Variants in NELL1 observed in about 807,000 individuals in gnomAD.
NELL1 encodes protein kinase C-binding protein NELL1.
NELL1 carries 76 observed loss-of-function variants against 107.4 expected under a neutral mutation model. The observed-to-expected ratio is 0.71, with a 90% CI of 0.59 to 0.86. NELL1 has a LOEUF of 0.86. Ranked by LOEUF, NELL1 falls within the 40% of genes least tolerant of loss-of-function variation. The pLI is 0.00. For synonymous variants in NELL1, 353 were observed against 341.2 expected, an observed-to-expected ratio of 1.03 and a Z score of -0.38; for missense variants, 1,024 against 1,005.5, an observed-to-expected ratio of 1.02 and a Z score of -0.25.
At chr11:21,493,070 T>C (rs991018272) in intron 15 of NELL1, among the ~76,000 whole-genome samples, 2 of 151,976 alleles carry the variant, frequency 1.3e-5, no homozygotes, top group African/African-American at 2.4e-5. Context: ...ATGGCTATTA[T>C]TAAAAAGACA....
At chr11:21,334,858 T>C (rs958529837) in intron 14 of NELL1, among the ~76,000 whole-genome samples, 18 of 151,394 alleles carry the variant, frequency 1.2e-4, no homozygotes, top group African/African-American at 3.4e-4. Flanking sequence ...GAGAAGGAGA[T>C]TGAGAGCAGG....
At position 20,880,987 on chromosome 11, in the gene NELL1, C is replaced by T. The variant is rs1052114893; in HGVS notation, c.507-4457C>T. Reference sequence around the variant, plus strand: ...AAGTGGGGCACAACCTTTCCACTTCCATTCCATAGCCACACTCAACTTCAA... The same window carrying T: ...AAGTGGGGCACAACCTTTCCACTTCTATTCCATAGCCACACTCAACTTCAA... On this transcript the variant is annotated intron_variant, in intron 4 of 19. Coordinates refer to ENST00000357134, the MANE Select transcript of NELL1 (RefSeq NM_006157.5). 3.3e-5 allele frequency among the ~76,000 whole-genome samples: 5 copies of T among 152,114 alleles called. No homozygotes were observed. The East Asian group carries it at 5.8e-4, about 18-fold the overall frequency.
At chr11:21,480,685 C>G (rs767450739) in intron 15 of NELL1, among the ~76,000 whole-genome samples, 8 of 152,184 alleles carry the variant, frequency 5.3e-5, no homozygotes, top group Non-Finnish European at 4.4e-5. Context: ...AAAGCGACTG[C>G]TCTTCCCACC....
intron 13 of NELL1, among the ~76,000 whole-genome samples, chr11:21,132,593 C>A (rs188660528): frequency 1.5e-3 from 227 of 152,266 alleles, no homozygotes; most frequent in Middle Eastern, 0.01. Context: ...ACCAGATGTA[C>A]CACAAGTGGC....
intron 9 of NELL1, 26 bp downstream of exon 9, chr11:20,928,505 G>A (rs368306385): frequency 4.1e-5 from 64 of 1,542,516 alleles, no homozygotes; most frequent in Non-Finnish European, 5.5e-5. Flanking sequence ...GGGTCAGACT[G>A]GCTGTCTGTG....
rs112213155 is a variant in NELL1, at chr11:21,385,529, C to T, written c.1645+14581C>T. 7.4e-3 allele frequency among the ~76,000 whole-genome samples: 1,124 copies of T among 151,700 alleles called. 16 individuals carry two copies. Among genetic ancestry groups the T allele is most frequent in the African/African-American group, 0.026 (1,059 of 41,430 alleles). On this transcript the variant is annotated intron_variant, in intron 15 of 19. Transcript: ENST00000357134. Reference sequence around the variant, plus strand: ...AATCACTACAGTGCATCTTTTTTTTCCCCTCCATCCTACCTCCTAGTATAA... The same window carrying T: ...AATCACTACAGTGCATCTTTTTTTTTCCCTCCATCCTACCTCCTAGTATAA...
intron 2 of NELL1, among the ~76,000 whole-genome samples, chr11:20,693,571 C>T (rs1426205961): frequency 6.6e-5 from 10 of 152,060 alleles, no homozygotes; most frequent in Non-Finnish European, 1.5e-4. Context: ...ATATGAAATT[C>T]TGGGTTGAAA....
At chr11:21,116,320 G>A (rs1234117366) in intron 13 of NELL1, among the ~76,000 whole-genome samples, 1 of 151,670 alleles carries the variant, frequency 6.6e-6, no homozygotes, top group Non-Finnish European at 1.5e-5. Flanking sequence ...TGAAAGGTTA[G>A]AGTACCCTCC....
intron 13 of NELL1, among the ~76,000 whole-genome samples, chr11:21,164,349 A>G (rs138399721): frequency 6.6e-6 from 1 of 152,300 alleles, no homozygotes; most frequent in African/African-American, 2.4e-5. Flanking sequence ...GCTAAGTTAG[A>G]AGAAGTTAGT....
chr11:20,689,528 A>G (rs1331170833), intron 2 of NELL1, among the ~76,000 whole-genome samples: 1 of 146,460 alleles, frequency 6.8e-6, no homozygotes, highest in Non-Finnish European at 1.5e-5. Context: ...GAGTGAGAAC[A>G]TGCGGTGTTT....
At chr11:21,146,292 T>C (rs898306157) in intron 13 of NELL1, among the ~76,000 whole-genome samples, 3 of 151,982 alleles carry the variant, frequency 2.0e-5, no homozygotes, top group Non-Finnish European at 4.4e-5. Flanking sequence ...AAGGGCCACT[T>C]ACAGAGGCAT....
intron 15 of NELL1, among the ~76,000 whole-genome samples, chr11:21,472,108 C>G (rs564973679): frequency 1.3e-5 from 2 of 151,762 alleles, no homozygotes; most frequent in East Asian, 2.0e-4. Flanking sequence ...TTTGAGCTGT[C>G]TAAGCTCCCA....
intron 2 of NELL1, among the ~76,000 whole-genome samples, chr11:20,723,732 T>TG (rs35926954): frequency 0.043 from 6,433 of 150,570 alleles, 194 homozygotes; most frequent in African/African-American, 0.083. Context: ...GGGGACTCTG[T>TG]GGGGGGGGGC....
At chr11:21,086,696 A>G (rs1207915709) in intron 12 of NELL1, among the ~76,000 whole-genome samples, 2 of 152,208 alleles carry the variant, frequency 1.3e-5, no homozygotes, top group Non-Finnish European at 2.9e-5. Flanking sequence ...ACCCTAAAAT[A>G]GGTTCTAACT....
At chr11:21,130,156 G>T (rs185367106) in intron 13 of NELL1, among the ~76,000 whole-genome samples, 1 of 151,904 alleles carries the variant, frequency 6.6e-6, no homozygotes, top group Non-Finnish European at 1.5e-5. Context: ...TCATCTGCTC[G>T]ATGACTTAGG....
intron 3 of NELL1, among the ~76,000 whole-genome samples, chr11:20,825,162 T>A (rs1857851985): frequency 1.3e-5 from 2 of 151,422 alleles, no homozygotes; most frequent in Non-Finnish European, 3.0e-5. Flanking sequence ...AGAGGCTGTA[T>A]GGCAATGCCT....
chr11:20,804,288 T>G (rs953094972), intron 3 of NELL1, among the ~76,000 whole-genome samples: 4 of 152,152 alleles, frequency 2.6e-5, no homozygotes, highest in African/African-American at 9.7e-5. Flanking sequence ...CAGGCTGGAG[T>G]GCAGTGGTGC....
chr11:21,338,854 C>T (rs1295796380), intron 14 of NELL1, among the ~76,000 whole-genome samples: 1 of 152,074 alleles, frequency 6.6e-6, no homozygotes, highest in Non-Finnish European at 1.5e-5. Context: ...CTCAGTGATC[C>T]AGGGATGGGC....
chr11:21,209,905 A>T (rs1857464465), intron 13 of NELL1, among the ~76,000 whole-genome samples: 1 of 152,124 alleles, frequency 6.6e-6, no homozygotes, highest in Admixed American at 6.6e-5. Context: ...GCTGAGCTTA[A>T]CCCTTGATAA....
Sources: allele counts gnomAD v4.1 joint callset (sites outside exome capture counted in the v4.1 genomes callset), GRCh38; gene constraint gnomAD v4.1.1; transcripts MANE v1.5; gene names NCBI Gene and HGNC (gene_info 2026-07-23, HGNC 2026-07-21).